The following INSR variants were observed in gnomAD, a reference collection of about 807,000 sequenced individuals.
The protein encoded by INSR is IR.
In INSR, 67 loss-of-function variants were observed where a neutral mutation model predicts 142.6. The ratio of observed to expected loss-of-function variants is 0.47; its 90% confidence interval spans 0.39 to 0.58. The LOEUF (loss-of-function observed/expected upper bound fraction) is 0.58. Among genes scored for constraint, INSR ranks in the 20% least tolerant of loss-of-function variants. The pLI, the probability that INSR is intolerant of heterozygous loss-of-function variation, is 0.00. For synonymous variants in INSR, 756 were observed against 743.1 expected (o/e 1.02, Z -0.28); for missense variants, 1,248 against 1,833.2 (o/e 0.68, Z 5.83).
chr19:7,179,648 C>T (rs575923988), intron 3 of INSR, among the ~76,000 whole-genome samples: 7 of 152,292 alleles, frequency 4.6e-5, no homozygotes, highest in South Asian at 2.1e-4. Context: ...GTTAGTACAT[C>T]GTCTAACCCT....
Position 7,142,988 on chromosome 19 carries a change from C to T in INSR, c.2370G>A (p.Thr790=), listed in dbSNP as rs16994210. 2.3e-3 allele frequency: 3,744 copies of T among 1,614,174 alleles called. 90 individuals carry two copies. The African/African-American group carries it at 0.043, about 18-fold the overall frequency. ...CAAAAGGCCTGTGCTCCTCCGGACT[C>T]GTGGGCACGCTGGTCGAGGAAGTGT... The part of the protein sequence containing the change: ...FPNTSSTSVP[T]SPEEHRPFEK... Residue 790 remains threonine, a synonymous_variant, in exon 12 of 22, where the codon ACG becomes ACA. Coordinates refer to ENST00000302850, the MANE Select transcript of INSR (RefSeq NM_000208.4).
Position 7,170,572 on chromosome 19 carries a change from T to A in INSR, c.1448A>T (p.Asp483Val), listed in dbSNP as rs1973994472. The change falls in exon 6 of 22, where the codon GAC (aspartate) becomes GTC (valine). Residue 483 changes from aspartate (D) to valine (V), a missense_variant. By Grantham distance (152) the Asp-to-Val change is radical (BLOSUM62 -3). Around this residue, in one of 3 missense-constraint regions of INSR, gnomAD observed 1,069 missense variants for 1,654.0 expected, o/e 0.65. Coordinates refer to ENST00000302850, the MANE Select transcript of INSR (RefSeq NM_000208.4). ...SGTKGRQERN[D>V]IALKTNGDQA... is the part of the protein sequence containing the mutation. The stretch of plus-strand genomic sequence containing the variant: ...GTCCCCATTGGTCTTCAGGGCAATG[T>A]CGTTTCTCTCCTGGCGCCCCTTGGT... 1 of 1,613,244 alleles carries A rather than the reference T, an allele frequency of 6.2e-7. No homozygotes were observed. The highest frequency in any genetic ancestry group is 1.3e-5 in the African/African-American group (1 of 74,844).
At chr19:7,293,701 T>C in intron 1 of INSR, 91 bp downstream of exon 1, 1 of 1,073,880 alleles carries the variant, frequency 9.3e-7, no homozygotes. Context: ...GGGAGGGTTC[T>C]CAGTCCACAA....
intron 2 of INSR, among the ~76,000 whole-genome samples, chr19:7,189,439 T>C (rs1974517712): frequency 6.6e-6 from 1 of 152,188 alleles, no homozygotes; most frequent in South Asian, 2.1e-4. Flanking sequence ...GTTGGTCAAC[T>C]TTTTCTGTAA....
In INSR at chr19:7,216,098, G is replaced by A. The variant is rs1199912354; in HGVS notation, c.653-31461C>T. ...AGCACTTTGGGAGGCCAAGGTGAGT[G>A]GACCACCTGAGGTCAGGAGTTCTAG... On this transcript the variant is annotated intron_variant, in intron 2 of 21. Coordinates refer to ENST00000302850, the MANE Select transcript of INSR (RefSeq NM_000208.4). The surrounding 1 kb of genome is among the most constrained non-coding windows in gnomAD (Gnocchi z 4.2). Among the ~76,000 whole-genome samples the A allele has an allele frequency of 1.3e-5, 2 of 151,980 alleles. No homozygotes were observed. Among genetic ancestry groups the A allele is most frequent in the African/African-American group, 4.8e-5 (2 of 41,532 alleles).
intron 2 of INSR, among the ~76,000 whole-genome samples, chr19:7,255,876 A>C: frequency 6.6e-6 from 1 of 151,452 alleles, no homozygotes; most frequent in Admixed American, 6.6e-5. Flanking sequence ...ACCACACCCA[A>C]CCTCATCTTC....
intron 13 of INSR, among the ~76,000 whole-genome samples, chr19:7,138,441 C>A (rs1402394351): frequency 2.6e-5 from 4 of 152,134 alleles, no homozygotes; most frequent in African/African-American, 9.7e-5. Context: ...GTGAGTGAGT[C>A]ACAGCCCACT....
rs1972273943 is a variant in INSR, at chr19:7,114,451, A to G, written c.*2605T>C. On this transcript the variant is annotated 3_prime_UTR_variant, in exon 22 of 22. Transcript: ENST00000302850. ...TTTTTTAAAGGAAGATTAAATTCAG[A>G]GAAGAATATTACCAGCCAGGAAGAA... 6.6e-6 allele frequency: 1 copy of G among 152,244 alleles called. No individual in the cohort carries two copies. The highest frequency in any genetic ancestry group is 1.5e-5 in the Non-Finnish European group (1 of 68,040). 9.4% of individuals were successfully genotyped at this position (152,244 alleles called of 1,614,324 possible). A position where few individuals can be genotyped will look rare whatever the true frequency, so the allele number is the denominator to read the frequency against.
intron 13 of INSR, among the ~76,000 whole-genome samples, chr19:7,136,744 C>G (rs1461583593): frequency 6.6e-6 from 1 of 151,800 alleles, no homozygotes; most frequent in Non-Finnish European, 1.5e-5. Flanking sequence ...AGACACATTT[C>G]TGTTATTGCC....
At chr19:7,250,340 AAG>A (rs1366624203) in intron 2 of INSR, among the ~76,000 whole-genome samples, 3 of 149,926 alleles carry the variant, frequency 2.0e-5, no homozygotes, top group Non-Finnish European at 4.4e-5. Flanking sequence ...GAGAAAAAGA[AAG>A]AGGAGGGAGA....
intron 3 of INSR, among the ~76,000 whole-genome samples, chr19:7,178,294 G>T (rs1028891084): frequency 6.7e-6 from 1 of 149,520 alleles, no homozygotes; most frequent in South Asian, 2.1e-4. Context: ...TCACCAGAAA[G>T]AACAACCCTG....
intron 2 of INSR, among the ~76,000 whole-genome samples, chr19:7,198,500 G>GT (rs1307213560): frequency 6.6e-6 from 1 of 152,212 alleles, no homozygotes; most frequent in Non-Finnish European, 1.5e-5. Context: ...GGCGCTGGGC[G>GT]TGTGCCCGGG....
At chr19:7,126,695 G>T in intron 15 of INSR, 44 bp from the exon 16 acceptor site, 2 of 1,526,814 alleles carry the variant, frequency 1.3e-6, no homozygotes, top group Non-Finnish European at 1.8e-6. Flanking sequence ...ATTCTCATGG[G>T]ACTCTGCAGA....
chr19:7,218,741 G>C (rs562034485), intron 2 of INSR, among the ~76,000 whole-genome samples: 1 of 152,040 alleles, frequency 6.6e-6, no homozygotes, highest in Non-Finnish European at 1.5e-5. Flanking sequence ...ATGGGGTTTC[G>C]CCATGTTGGC....
intron 2 of INSR, among the ~76,000 whole-genome samples, chr19:7,235,858 G>C (rs992556780): frequency 1.3e-5 from 2 of 151,172 alleles, no homozygotes; most frequent in African/African-American, 4.9e-5. Context: ...TAATAATAAA[G>C]ATTGACAATA....
Position 7,184,645 on chromosome 19 carries a change from G to A in INSR, c.653-8C>T. The A allele has an allele frequency of 6.8e-7, 1 of 1,466,804 alleles. No homozygotes were observed. The highest frequency in any genetic ancestry group is 1.2e-5 in the South Asian group (1 of 82,294). 90.9% of individuals were successfully genotyped at this position (1,466,804 alleles called of 1,614,324 possible). ...TACAGATGGTCGGGCAAACTGGAGAGAGAGAGAGAGAGAGAGGGAAATAAA... is the reference window on the plus strand; with the variant it reads ...TACAGATGGTCGGGCAAACTGGAGAAAGAGAGAGAGAGAGAGGGAAATAAA... On this transcript the variant is annotated splice_polypyrimidine_tract_variant and splice_region_variant and intron_variant, in intron 2 of 21. Transcript: ENST00000302850.
intron 2 of INSR, among the ~76,000 whole-genome samples, chr19:7,261,512 T>C (rs765048628): frequency 2.6e-4 from 40 of 152,094 alleles, no homozygotes; most frequent in Admixed American, 4.6e-4. Flanking sequence ...TTTGTTTTTC[T>C]TTTAATTCCC....
rs140573575 is a variant in INSR at position 7,172,379 on chromosome 19, C to A, written c.1179G>T (p.Gly393=). 7.4e-5 allele frequency: 120 copies of A among 1,613,958 alleles called. 1 individual carries two copies. In the Admixed American group the frequency reaches 1.8e-3, roughly 25 times the overall value. ...ANLGLIEEIS[G]YLKIRRSYAL... ...CGTAGGATCGGCGGATTTTTAGATA[C>A]CCTGAAATTTCTTCAATGAGGCCGA... Residue 393 remains glycine (G), a synonymous_variant, in exon 5 of 22, where the codon GGG becomes GGT. Transcript: ENST00000302850.
At chr19:7,197,847 A>AGAGAGG (rs1974817902) in intron 2 of INSR, among the ~76,000 whole-genome samples, 1 of 138,580 alleles carries the variant, frequency 7.2e-6, no homozygotes, top group Non-Finnish European at 1.5e-5. Flanking sequence ...AGAGAGAGAG[A>AGAGAGG]GAGAGAACGA....
Sources: allele counts gnomAD v4.1 joint callset (sites outside exome capture counted in the v4.1 genomes callset), GRCh38; gene constraint gnomAD v4.1.1; regional missense constraint gnomAD v4.1.1; non-coding constraint Gnocchi (gnomAD v3.1); transcripts MANE v1.5; gene names NCBI Gene and HGNC (gene_info 2026-07-23, HGNC 2026-07-21).